CACNA2D2: variants seen among roughly 807,000 people sequenced by gnomAD.
CACNA2D2 encodes voltage-dependent calcium channel subunit alpha-2/delta-2.
A neutral mutation model predicts 166.4 loss-of-function variants in CACNA2D2; 48 were observed. The ratio of observed to expected loss-of-function variants is 0.29; its 90% CI spans 0.23 to 0.37. The LOEUF (loss-of-function observed/expected upper bound fraction) is 0.37. Ranked by LOEUF, CACNA2D2 falls within the 10% of genes least tolerant of loss-of-function variation. The probability of loss-of-function intolerance (pLI) is 1.00; values close to 1 mark genes in which losing one functional copy is unlikely to be tolerated. For missense variants in CACNA2D2, 1,122 were observed against 1,433.0 expected, an observed-to-expected ratio of 0.78 and a Z score of 3.50; for synonymous variants, 561 against 573.7, an observed-to-expected ratio of 0.98 and a Z score of 0.32.
In CACNA2D2 at chr3:50,394,119, T is replaced by C. The variant is rs1559906185; in HGVS notation, c.455A>G (p.Asp152Gly). 1 of 1,614,070 alleles carries C rather than the reference T, an allele frequency of 6.2e-7. No individual in the cohort carries two copies. Among genetic ancestry groups the C allele is most frequent in the Non-Finnish European group, 8.5e-7 (1 of 1,179,948 alleles). Residue 152 changes from aspartate (D) to glycine (G), a missense_variant, in exon 4 of 38, where the codon GAC (aspartate) becomes GGC (glycine). Around this residue, in one of 2 missense-constraint regions of CACNA2D2, gnomAD observed 840 missense variants for 1,166.8 expected, o/e 0.72. Coordinates refer to ENST00000424201, the MANE Select transcript of CACNA2D2 (RefSeq NM_006030.4). ...ENFQKAHRWQDNIKEEDIVYY... is the reference protein window; with the variant it reads ...ENFQKAHRWQGNIKEEDIVYY... ...TGCTGGGGTTCCTACCTTGATGTTG[T>C]CCTGCCAGCGGTGTGCTTTCTGGAA...
Position 50,380,131 on chromosome 3 carries a change from C to A in CACNA2D2, c.843-113G>T, listed in dbSNP as rs1171156887. ...TTCTCTTGAGCATGCACTGTGTGGG[C>A]CAGGCAGGGTTCTATGCACCGATGA... On this transcript the variant is annotated intron_variant, in intron 8 of 37. Transcript: ENST00000424201. This position sits in a 1 kb window ranked among gnomAD's most constrained non-coding sequence, Gnocchi z 4.9. The A allele has an allele frequency of 9.4e-7, 1 of 1,059,534 alleles. No homozygotes were observed. The highest frequency in any genetic ancestry group is 1.4e-6 in the Non-Finnish European group (1 of 697,098). The allele number at this position is 1,059,534 out of a possible 1,614,324, so 65.6% of individuals were successfully genotyped here. A position where few individuals can be genotyped will look rare whatever the true frequency, so the allele number is the denominator to read the frequency against.
At chr3:50,423,983 C>A (rs879651330) in intron 3 of CACNA2D2, among the ~76,000 whole-genome samples, 9 of 152,250 alleles carry the variant, frequency 5.9e-5, no homozygotes, top group Non-Finnish European at 1.3e-4. Flanking sequence ...CACGCAATAC[C>A]CCCAGAAGCA....
intron 1 of CACNA2D2, among the ~76,000 whole-genome samples, chr3:50,484,045 G>C (rs1024880568): frequency 8.5e-5 from 13 of 152,102 alleles, no homozygotes; most frequent in African/African-American, 3.1e-4. Flanking sequence ...CTCTCAAACT[G>C]AAAGTGTCCG....
intron 3 of CACNA2D2, among the ~76,000 whole-genome samples, chr3:50,432,406 C>A (rs937079458): frequency 2.0e-5 from 3 of 152,204 alleles, no homozygotes; most frequent in African/African-American, 7.2e-5. Flanking sequence ...TCAGACAGTT[C>A]CAACACAAGT....
chr3:50,379,646 T>C lies in CACNA2D2; in HGVS notation c.994-56A>G. ...CAGGCTGGCCGGGGTAGGCAGCTAT[T>C]GCATGGGGCTGGTGATGGTCACAGG... On this transcript the variant is annotated intron_variant, in intron 10 of 37. Transcript: ENST00000424201. The surrounding 1 kb of genome is among the most constrained non-coding windows in gnomAD (Gnocchi z 6.5). 1.2e-6 allele frequency: 2 copies of C among 1,612,058 alleles called. No homozygotes were observed. Among genetic ancestry groups the C allele is most frequent in the Non-Finnish European group, 1.7e-6 (2 of 1,178,664 alleles).
At chr3:50,377,974 C>A (rs753493164) in intron 15 of CACNA2D2, 34 bp downstream of exon 15, 1 of 1,586,800 alleles carries the variant, frequency 6.3e-7, no homozygotes, top group Non-Finnish European at 8.6e-7. Context: ...GGGAAGGGTG[C>A]CAGCCCCACC....
At chr3:50,386,007 T>C (rs1303645076) in intron 5 of CACNA2D2, among the ~76,000 whole-genome samples, 1 of 151,476 alleles carries the variant, frequency 6.6e-6, no homozygotes, top group Non-Finnish European at 1.5e-5. Flanking sequence ...TAAAAGTAAA[T>C]GGTCTAGAAA....
At chr3:50,434,161 C>G (rs1708200855) in intron 3 of CACNA2D2, 152 bp downstream of exon 3, 3 of 664,340 alleles carry the variant, frequency 4.5e-6, no homozygotes, top group Non-Finnish European at 8.2e-6. Context: ...CAGCTGCCCA[C>G]ATTCCACGTG....
rs1704997111 is a variant in CACNA2D2 at position 50,376,424 on chromosome 3, C to T, written c.1627-236G>A. Among the ~76,000 whole-genome samples, 1 of 152,188 alleles carries T rather than the reference C, an allele frequency of 6.6e-6. No individual in the cohort carries two copies. Among genetic ancestry groups the T allele is most frequent in the Non-Finnish European group, 1.5e-5 (1 of 68,026 alleles). ...GCTAACCGGCGTGTGGGCTGCTGCT[C>T]TGCAGTCCTCATCCTCTCCCCCTGG... On this transcript the variant is annotated intron_variant, in intron 17 of 37. Transcript: ENST00000424201. This position sits in a 1 kb window ranked among gnomAD's most constrained non-coding sequence, Gnocchi z 4.3.
At chr3:50,396,548 C>T (rs1008368788) in intron 3 of CACNA2D2, among the ~76,000 whole-genome samples, 10 of 152,178 alleles carry the variant, frequency 6.6e-5, no homozygotes, top group African/African-American at 2.2e-4. Context: ...CGACCCCAAA[C>T]CCAGGGATGG....
chr3:50,382,877 A>G (rs1193007118), intron 6 of CACNA2D2, among the ~76,000 whole-genome samples: 2 of 151,454 alleles, frequency 1.3e-5, no homozygotes, highest in African/African-American at 4.9e-5. Flanking sequence ...GGTACCTGTG[A>G]CCCCACACGC....
chr3:50,371,295 G>A (rs1347686081), intron 22 of CACNA2D2, among the ~76,000 whole-genome samples: 2 of 152,092 alleles, frequency 1.3e-5, no homozygotes, highest in African/African-American at 4.8e-5. Flanking sequence ...TCCCCAGTTG[G>A]GCCTGTGCCC....
In CACNA2D2 at chr3:50,379,936, C is replaced by CCCAGCCCCACTTG; in HGVS notation, c.893+19_893+31dup. On this transcript the variant is annotated intron_variant, in intron 9 of 37. Coordinates refer to ENST00000424201, the MANE Select transcript of CACNA2D2 (RefSeq NM_006030.4). This position sits in a 1 kb window ranked among gnomAD's most constrained non-coding sequence, Gnocchi z 6.5. ...AGTCTAGCCCATTGCCCGTCCCTGCCCCAGCCCCACTTGCCAGCACTGCTC... is the reference window on the plus strand; with the variant it reads ...AGTCTAGCCCATTGCCCGTCCCTGCCCCAGCCCCACTTGCCAGCCCCACTTGCCAGCACTGCTC... The CCCAGCCCCACTTG allele has an allele frequency of 6.2e-7, 1 of 1,613,918 alleles. No individual in the cohort carries two copies. Among genetic ancestry groups the CCCAGCCCCACTTG allele is most frequent in the Non-Finnish European group, 8.5e-7 (1 of 1,179,972 alleles).
intron 2 of CACNA2D2, among the ~76,000 whole-genome samples, chr3:50,444,530 G>A (rs189200501): frequency 2.0e-5 from 3 of 152,296 alleles, no homozygotes; most frequent in Admixed American, 6.5e-5. Flanking sequence ...TCATGGGACC[G>A]CCTTCCAGGG....
intron 4 of CACNA2D2, among the ~76,000 whole-genome samples, chr3:50,390,964 G>A (rs1019868205): frequency 6.6e-6 from 1 of 152,234 alleles, no homozygotes; most frequent in African/African-American, 2.4e-5. Flanking sequence ...GAGGACGCTT[G>A]GCCTTCCTGC....
chr3:50,475,111 A>AC (rs944963112), intron 2 of CACNA2D2, among the ~76,000 whole-genome samples: 20 of 151,920 alleles, frequency 1.3e-4, no homozygotes, highest in African/African-American at 4.8e-4. Flanking sequence ...ACTGGCTGCC[A>AC]CCCCCACTTC....
rs1704154851 is a variant in CACNA2D2, at chr3:50,365,022, G to A, written c.3209-52C>T. On this transcript the variant is annotated intron_variant, in intron 36 of 37. Transcript: ENST00000424201. The surrounding 1 kb of genome is among the most constrained non-coding windows in gnomAD (Gnocchi z 4.5). The stretch of plus-strand genomic sequence containing the variant: ...GCGGACGGCGGCGGCGGCACGGAGG[G>A]GGCGCGCGGGGCAGAGGGGGAGCGG... 6.2e-7 allele frequency: 1 copy of A among 1,602,112 alleles called. No homozygotes were observed. The highest frequency in any genetic ancestry group is 8.5e-7 in the Non-Finnish European group (1 of 1,174,810).
rs778158064 is a variant in CACNA2D2 at position 50,365,059 on chromosome 3, G to A, written c.3208+16C>T. ...CAGAGGGGGAGCGGGCGGCGGGGAG[G>A]GCGGGGGCAGGATACAGTGCGTCTC... On this transcript the variant is annotated intron_variant, in intron 36 of 37. Coordinates refer to ENST00000424201, the MANE Select transcript of CACNA2D2 (RefSeq NM_006030.4). The surrounding 1 kb of genome is among the most constrained non-coding windows in gnomAD (Gnocchi z 4.5). 8 of 1,605,176 alleles carry A rather than the reference G, an allele frequency of 5.0e-6. No individual in the cohort carries two copies. The East Asian group carries it at 1.1e-4, about 22-fold the overall frequency.
At chr3:50,370,913 CTTGCTT>C (rs1363926509) in intron 22 of CACNA2D2, among the ~76,000 whole-genome samples, 12 of 152,202 alleles carry the variant, frequency 7.9e-5, no homozygotes, top group East Asian at 1.9e-4. Flanking sequence ...TTTGGTAGGT[CTTGCTT>C]TTGTTCTGTG....
Sources: gnomAD v4.1 joint callset for allele counts (sites outside exome capture counted in the v4.1 genomes callset) on GRCh38, gnomAD v4.1.1 for gene constraint, gnomAD v4.1.1 regional missense constraint, Gnocchi (gnomAD v3.1) non-coding constraint, MANE v1.5 for transcripts, NCBI Gene and HGNC (gene_info 2026-07-23, HGNC 2026-07-21) for gene names.